The following NIN variants were observed in gnomAD, a reference collection of about 807,000 sequenced individuals.
NIN encodes the protein glycogen synthase kinase 3 beta-interacting protein.
In NIN, 137 loss-of-function variants were observed where a neutral mutation model predicts 257.6. The ratio of observed to expected loss-of-function variants is 0.53; its 90% CI spans 0.46 to 0.61. NIN has a LOEUF of 0.61. Ranked by LOEUF, NIN falls within the 20% of genes least tolerant of loss-of-function variation. The probability of loss-of-function intolerance (pLI) is 0.00; values close to 1 mark genes in which losing one functional copy is unlikely to be tolerated. For missense variants in NIN, 2,439 were observed against 2,501.2 expected, an observed-to-expected ratio of 0.98 and a Z score of 0.53; for synonymous variants, 918 against 919.8, an observed-to-expected ratio of 1.00 and a Z score of 0.04.
At chr14:50,770,690 C>G in intron 11 of NIN, 128 bp from the exon 12 acceptor site, 1 of 1,357,546 alleles carries the variant, frequency 7.4e-7, no homozygotes, top group Admixed American at 2.2e-5. Context: ...GTGTACCCTG[C>G]TTTCCCTTAG....
intron 26 of NIN, among the ~76,000 whole-genome samples, 147 bp downstream of exon 26, chr14:50,739,144 TTATATGTGAGTAAATGA>T (rs2140466745): frequency 6.6e-6 from 1 of 152,308 alleles, no homozygotes; most frequent in South Asian, 2.1e-4. Context: ...CAGGATAAAA[TTATATGTGAGTAAATGA>T]TAAATGATAC....
At chr14:50,766,479 T>C in intron 13 of NIN, 83 bp from the exon 14 acceptor site, 1 of 1,189,654 alleles carries the variant, frequency 8.4e-7, no homozygotes, top group South Asian at 1.2e-5. Context: ...GTTTCTGGTA[T>C]TCACCCAGTC....
rs1387716227 is a variant in NIN at position 50,830,519 on chromosome 14, T to C, written c.-75-2A>G. ...AGCCGGCAGCCCGCCTCCAGCGCTC[T>C]GCAAAGCGAAGGAGGACGCTTTGTT... On this transcript the variant is annotated splice_acceptor_variant, in intron 1 of 30. Transcript: ENST00000530997. LOFTEE classifies it low-confidence loss of function (5UTR_SPLICE). The C allele has an allele frequency of 1.8e-5, 3 of 167,378 alleles. No individual in the cohort carries two copies. The highest frequency in any genetic ancestry group is 1.5e-5 in the Non-Finnish European group (1 of 68,218). 10.4% of individuals were successfully genotyped at this position (167,378 alleles called of 1,614,324 possible).
rs773432271 is a variant in NIN, at chr14:50,770,921, T to G, written c.1190A>C (p.Lys397Thr). 6.2e-7 allele frequency: 1 copy of G among 1,614,238 alleles called. No homozygotes were observed. Among genetic ancestry groups the G allele is most frequent in the Middle Eastern group, 1.6e-4 (1 of 6,062 alleles). The change falls in exon 11 of 31, where the codon AAG (lysine) becomes ACG (threonine). Residue 397 changes from lysine to threonine, a missense_variant. This residue lies in a region of NIN where 2,043 missense variants were observed against 2,050.2 expected (regional missense o/e 1.00). Transcript: ENST00000530997. ...RSDLDKAEKLKSLMASEVDDH... is the reference protein window; with the variant it reads ...RSDLDKAEKLTSLMASEVDDH... ...ATCCACCTCCGAGGCCATTAAAGAC[T>G]TGAGCTTCTCGGCCTTGTCCAGATC...
chr14:50,735,349 C>T lies in NIN; in HGVS notation c.5877+167G>A, dbSNP rs143740642. Among the ~76,000 whole-genome samples, 341 of 152,302 alleles carry T rather than the reference C, an allele frequency of 2.2e-3. 1 individual carries two copies. Among genetic ancestry groups the T allele is most frequent in the Middle Eastern group, 0.01 (3 of 294 alleles). On this transcript the variant is annotated intron_variant, in intron 28 of 30. Coordinates refer to ENST00000530997, the MANE Select transcript of NIN (RefSeq NM_020921.4). The stretch of plus-strand genomic sequence containing the variant: ...GGCTTCCTATGGCAGTATAATGAAG[C>T]AAAGTTGTCTGTTAAACTTGGTAAG...
intron 3 of NIN, among the ~76,000 whole-genome samples, chr14:50,820,270 C>T (rs1422016794): frequency 6.6e-6 from 1 of 152,176 alleles, no homozygotes; most frequent in Non-Finnish European, 1.5e-5. Context: ...GTTAACAAAT[C>T]AATCAATAAC....
chr14:50,824,890 C>T (rs2045392436), intron 2 of NIN, among the ~76,000 whole-genome samples: 1 of 152,224 alleles, frequency 6.6e-6, no homozygotes, highest in South Asian at 2.1e-4. Context: ...AGAAAGCCAA[C>T]ACCAACTGCC....
At chr14:50,755,612 A>G in intron 18 of NIN, among the ~76,000 whole-genome samples, 1 of 136,090 alleles carries the variant, frequency 7.3e-6, no homozygotes, top group Non-Finnish European at 1.6e-5. Flanking sequence ...CTCAAATTAT[A>G]TGTTCTAAGA....
intron 22 of NIN, among the ~76,000 whole-genome samples, chr14:50,745,368 C>G (rs145501451): frequency 2.8e-4 from 42 of 152,228 alleles, no homozygotes; most frequent in African/African-American, 9.9e-4. Context: ...ACCCCTTCAC[C>G]CTATTGAAAA....
At chr14:50,730,117 T>A (rs767572285) in intron 28 of NIN, among the ~76,000 whole-genome samples, 7 of 152,218 alleles carry the variant, frequency 4.6e-5, no homozygotes, top group Non-Finnish European at 7.3e-5. Flanking sequence ...TTACCATTCA[T>A]AAAGATTGTT....
In NIN at chr14:50,739,385, G is replaced by C. The variant is rs764356569; in HGVS notation, c.5551C>G (p.Leu1851Val). The stretch of plus-strand genomic sequence containing the variant: ...AGCCTCTCATTCTCTTGCCAAAGCA[G>C]CTGCTGTTCCTCATTCATCAGATGA... ...LDHLMNEEQQ[L>V]LWQENERLQT... Residue 1851 changes from leucine (L) to valine (V), a missense_variant, in exon 26 of 31, where the codon CTG becomes GTG. By Grantham distance (32) the Leu-to-Val change is conservative. Transcript: ENST00000530997. The C allele has an allele frequency of 1.9e-6, 3 of 1,614,212 alleles. No individual in the cohort carries two copies. Among genetic ancestry groups the C allele is most frequent in the Admixed American group, 3.3e-5 (2 of 60,028 alleles).
chr14:50,780,824 A>C (rs1337616646), intron 5 of NIN, among the ~76,000 whole-genome samples: 1 of 152,236 alleles, frequency 6.6e-6, no homozygotes, highest in Non-Finnish European at 1.5e-5. Context: ...CATCAATGAA[A>C]AGTGAATTAG....
chr14:50,727,801 T>G (rs1380075240), intron 29 of NIN: 4 of 1,402,408 alleles, frequency 2.9e-6, no homozygotes, highest in Non-Finnish European at 3.8e-6. Flanking sequence ...CAGGATGAGT[T>G]TTTAGGGGGA....
At chr14:50,727,431 C>CTCTT in intron 29 of NIN, 1 of 1,107,004 alleles carries the variant, frequency 9.0e-7, no homozygotes, top group Middle Eastern at 4.0e-4. Flanking sequence ...TAAATCCACA[C>CTCTT]TCTTTAAAGG....
At chr14:50,735,715 A>G in intron 27 of NIN, 98 bp from the exon 28 acceptor site, 1 of 1,424,184 alleles carries the variant, frequency 7.0e-7, no homozygotes, top group Non-Finnish European at 9.2e-7. Flanking sequence ...AGAAATCTCA[A>G]CTCTTGGAAG....
At position 50,752,047 on chromosome 14, in the gene NIN, T is replaced by C. The variant is rs768092746; in HGVS notation, c.4950+471A>G. On this transcript the variant is annotated intron_variant, in intron 21 of 30. Coordinates refer to ENST00000530997, the MANE Select transcript of NIN (RefSeq NM_020921.4). ...TGCCAAGTAAACTTTTTTTAACATA[T>C]AATCAGTGTTTTCTTTTATTGCCTC... is the stretch of plus-strand genomic sequence containing the variant. Among the ~76,000 whole-genome samples the C allele has an allele frequency of 3.3e-5, 5 of 152,198 alleles. No homozygotes were observed. The South Asian group carries it at 6.2e-4, about 19-fold the overall frequency.
rs1028857411 is a variant in NIN, at chr14:50,819,191, C to T, written c.183+2683G>A. Among the ~76,000 whole-genome samples, 17 of 152,180 alleles carry T rather than the reference C, an allele frequency of 1.1e-4. No homozygotes were observed. In the East Asian group the frequency reaches 3.3e-3, roughly 29 times the overall value. ...AGACAAAATTAAAGCCAGAAGCATCCAGGAAGTTGATGGATACTAATGCAG... is the reference window on the plus strand; with the variant it reads ...AGACAAAATTAAAGCCAGAAGCATCTAGGAAGTTGATGGATACTAATGCAG... On this transcript the variant is annotated intron_variant, in intron 3 of 30. Coordinates refer to ENST00000530997, the MANE Select transcript of NIN (RefSeq NM_020921.4).
Position 50,758,458 on chromosome 14 carries a change from A to C in NIN, c.2572T>G (p.Trp858Gly), listed in dbSNP as rs776144816. 1.9e-6 allele frequency: 3 copies of C among 1,613,826 alleles called. No homozygotes were observed. Among genetic ancestry groups the C allele is most frequent in the Non-Finnish European group, 1.7e-6 (2 of 1,179,934 alleles). Reference sequence around the variant, plus strand: ...GTGAGCTCGTCCTTCTCAAATTCCCACTGGGATTTCTCCTCACGCTGCTGT... The same window carrying C: ...GTGAGCTCGTCCTTCTCAAATTCCCCCTGGGATTTCTCCTCACGCTGCTGT... Reference protein sequence around the residue: ...QEQQREEKSQWEFEKDELTQE... With the variant: ...QEQQREEKSQGEFEKDELTQE... Residue 858 changes from tryptophan to glycine, a missense_variant, in exon 18 of 31, where the codon TGG becomes GGG. Coordinates refer to ENST00000530997, the MANE Select transcript of NIN (RefSeq NM_020921.4).
At position 50,763,881 on chromosome 14, in the gene NIN, C is replaced by A. The variant is rs759787070; in HGVS notation, c.1719G>T (p.Lys573Asn). Residue 573 changes from lysine to asparagine, a missense_variant, in exon 15 of 31, where the codon AAG becomes AAT. This residue lies in a region of NIN where 2,043 missense variants were observed against 2,050.2 expected (regional missense o/e 1.00). Transcript: ENST00000530997. ...AQGRVLRLPL[K>N]NSPSEEVEAN... ...CCTCAACTTCTTCTGACGGTGAGTT[C>A]TTCAACGGAAGCCTGAGCACTCTGC... The A allele has an allele frequency of 2.2e-5, 35 of 1,613,900 alleles. No individual in the cohort carries two copies. Among genetic ancestry groups the A allele is most frequent in the Non-Finnish European group, 3.0e-5 (35 of 1,179,914 alleles).
Sources: allele counts gnomAD v4.1 joint callset (sites outside exome capture counted in the v4.1 genomes callset), GRCh38; gene constraint gnomAD v4.1.1; regional missense constraint gnomAD v4.1.1; transcripts MANE v1.5; gene names NCBI Gene and HGNC (gene_info 2026-07-23, HGNC 2026-07-21).